PDS5A: variants seen among roughly 807,000 people sequenced by gnomAD.
PDS5A encodes sister chromatid cohesion protein PDS5 homolog A.
PDS5A carries 42 observed loss-of-function variants against 167.1 expected under a neutral mutation model. That is an observed-to-expected ratio of 0.25 (90% CI 0.20 to 0.33). The LOEUF is 0.33. Ranked by LOEUF, PDS5A falls within the 10% of genes least tolerant of loss-of-function variation. The pLI is 1.00. For synonymous variants in PDS5A, 553 were observed against 554.6 expected (o/e 1.00, Z 0.04); for missense variants, 1,033 against 1,605.9 (o/e 0.64, Z 6.10).
intron 2 of PDS5A, among the ~76,000 whole-genome samples, chr4:39,953,829 TTC>T (rs1446446581): frequency 2.0e-5 from 3 of 152,198 alleles, no homozygotes; most frequent in Admixed American, 6.5e-5. Context: ...CTATAAATGT[TTC>T]TGTTTACTCT....
At chr4:39,833,777 T>G (rs1716139942) in intron 32 of PDS5A, among the ~76,000 whole-genome samples, 1 of 152,168 alleles carries the variant, frequency 6.6e-6, no homozygotes, top group South Asian at 2.1e-4. Context: ...ATCTTGTTTC[T>G]GCCGATTCAA....
chr4:39,976,911 C>T (rs1029199543), intron 1 of PDS5A, among the ~76,000 whole-genome samples: 1 of 152,176 alleles, frequency 6.6e-6, no homozygotes, highest in Admixed American at 6.5e-5. Flanking sequence ...CACCAGGGTC[C>T]GAAGTTTGGC....
chr4:39,899,851 T>TAAAAAA (rs532738160), intron 14 of PDS5A, among the ~76,000 whole-genome samples: 3 of 102,412 alleles, frequency 2.9e-5, no homozygotes, highest in African/African-American at 1.4e-4. Flanking sequence ...TCCTGTGTAT[T>TAAAAAA]AAAAAAAAAA....
intron 2 of PDS5A, among the ~76,000 whole-genome samples, chr4:39,957,568 G>A (rs866017959): frequency 6.6e-6 from 1 of 151,816 alleles, no homozygotes; most frequent in African/African-American, 2.4e-5. Context: ...GGCGGACCAC[G>A]AGGTCAGGAG....
chr4:39,929,519 C>CCATATATATATATATATA (rs1553903666), intron 2 of PDS5A, among the ~76,000 whole-genome samples: 1 of 79,398 alleles, frequency 1.3e-5, no homozygotes, highest in South Asian at 3.1e-4. Flanking sequence ...ACTTAATAAA[C>CCATATATATATATATATA]TATATATATA....
At chr4:39,893,032 A>G (rs1722105323) in intron 16 of PDS5A, among the ~76,000 whole-genome samples, 1 of 152,244 alleles carries the variant, frequency 6.6e-6, no homozygotes, top group East Asian at 1.9e-4. Flanking sequence ...GGAGGCTTGA[A>G]AATACTGAGT....
intron 23 of PDS5A, among the ~76,000 whole-genome samples, chr4:39,865,548 G>A (rs1460371157): frequency 1.3e-5 from 2 of 152,214 alleles, no homozygotes; most frequent in African/African-American, 4.8e-5. Context: ...TAATAGCATA[G>A]CAGTACCACA....
chr4:39,891,980 G>T (rs1317143361), intron 16 of PDS5A, among the ~76,000 whole-genome samples: 1 of 152,074 alleles, frequency 6.6e-6, no homozygotes, highest in Non-Finnish European at 1.5e-5. Context: ...GCGTGATGGT[G>T]CATGCCTGGG....
intron 2 of PDS5A, among the ~76,000 whole-genome samples, chr4:39,961,518 C>T (rs192482032): frequency 2.5e-4 from 38 of 152,248 alleles, no homozygotes; most frequent in South Asian, 1.0e-3. Flanking sequence ...ACCTCGGCCT[C>T]CCAAGATGCT....
intron 26 of PDS5A, among the ~76,000 whole-genome samples, chr4:39,857,049 A>C (rs960013762): frequency 6.6e-6 from 1 of 152,052 alleles, no homozygotes; most frequent in African/African-American, 2.4e-5. Context: ...TGTGATCTAA[A>C]ACCTAATGAA....
intron 31 of PDS5A, among the ~76,000 whole-genome samples, chr4:39,839,754 T>TGG (rs3070809): frequency 1.1e-3 from 122 of 107,684 alleles, no homozygotes; most frequent in African/African-American, 3.5e-3. Context: ...AATATGATTC[T>TGG]GGGGGGGGGG....
intron 17 of PDS5A, among the ~76,000 whole-genome samples, chr4:39,882,141 A>G (rs144281150): frequency 4.7e-4 from 71 of 152,338 alleles, no homozygotes; most frequent in African/African-American, 1.7e-3. Context: ...AAAAGAATAA[A>G]TAAATAAAAC....
chr4:39,901,122 ACTAATCT>A (rs1722840148), intron 13 of PDS5A, among the ~76,000 whole-genome samples: 1 of 152,224 alleles, frequency 6.6e-6, no homozygotes, highest in South Asian at 2.1e-4. Flanking sequence ...TCTGAGAATT[ACTAATCT>A]CTAAACACTC....
intron 32 of PDS5A, among the ~76,000 whole-genome samples, chr4:39,834,897 G>A (rs1373334197): frequency 1.3e-5 from 2 of 152,110 alleles, no homozygotes; most frequent in Non-Finnish European, 2.9e-5. Flanking sequence ...CTCAGCCCCA[G>A]GCTCAAGCAA....
At chr4:39,883,406 C>G (rs930881827) in intron 17 of PDS5A, among the ~76,000 whole-genome samples, 120 of 152,296 alleles carry the variant, frequency 7.9e-4, no homozygotes, top group African/African-American at 2.8e-3. Context: ...GTCTTGAACT[C>G]CTGACCGCAG....
Position 39,915,251 on chromosome 4 carries a change from T to C in PDS5A, c.877-1525A>G, listed in dbSNP as rs536514328. Among the ~76,000 whole-genome samples the C allele has an allele frequency of 2.0e-5, 3 of 151,624 alleles. No individual in the cohort carries two copies. The East Asian group carries it at 5.8e-4, about 29-fold the overall frequency. On this transcript the variant is annotated intron_variant, in intron 8 of 32. Transcript: ENST00000303538. ...ACAGAATCTTACCATGCTGACAAGGTTGGTCTTGAACTCCTGGCCTCAGGC... is the reference window on the plus strand; with the variant it reads ...ACAGAATCTTACCATGCTGACAAGGCTGGTCTTGAACTCCTGGCCTCAGGC...
At chr4:39,886,925 T>G (rs1721529346) in intron 17 of PDS5A, among the ~76,000 whole-genome samples, 1 of 152,010 alleles carries the variant, frequency 6.6e-6, no homozygotes, top group Admixed American at 6.6e-5. Context: ...TCGGATTGTT[T>G]GCTGTCGGCA....
At chr4:39,962,117 G>A (rs1729533890) in intron 2 of PDS5A, among the ~76,000 whole-genome samples, 1 of 151,934 alleles carries the variant, frequency 6.6e-6, no homozygotes, top group African/African-American at 2.4e-5. Flanking sequence ...GAGTGCAGTG[G>A]CACAATCTCA....
At position 39,976,496 on chromosome 4, in the gene PDS5A, C is replaced by G. The variant is rs766284530; in HGVS notation, c.82G>C (p.Gly28Arg). ...SADGKIAYPP[G>R]VKEITDKITT... is the part of the protein sequence containing the mutation. Reference sequence around the variant, plus strand: ...ATCTTGTCGGTGATCTCTTTTACCCCCGGAGGGTAAGCGATCTTCCCGTCG... The same window carrying G: ...ATCTTGTCGGTGATCTCTTTTACCCGCGGAGGGTAAGCGATCTTCCCGTCG... Residue 28 changes from glycine to arginine, a missense_variant, in exon 2 of 33, where the codon GGG becomes CGG. Physicochemically the swap from Gly to Arg is moderately radical, Grantham distance 125. This residue lies in a region of PDS5A where 388 missense variants were observed against 615.1 expected (regional missense o/e 0.63). Transcript: ENST00000303538. 1.2e-6 allele frequency: 2 copies of G among 1,613,496 alleles called. No homozygotes were observed. The highest frequency in any genetic ancestry group is 1.7e-6 in the Non-Finnish European group (2 of 1,179,510).
Sources: gnomAD v4.1 joint callset for allele counts (sites outside exome capture counted in the v4.1 genomes callset) on GRCh38, gnomAD v4.1.1 for gene constraint, gnomAD v4.1.1 regional missense constraint, MANE v1.5 for transcripts, NCBI Gene and HGNC (gene_info 2026-07-23, HGNC 2026-07-21) for gene names.